Variants in CPED1 observed in about 807,000 individuals in gnomAD.
The protein encoded by CPED1 is cadherin like and PC-esterase domain containing 1, also known as cadherin-like and PC-esterase domain-containing protein 1.
CPED1 carries 114 observed loss-of-function variants against 128.2 expected under a neutral mutation model. The observed-to-expected ratio is 0.89, with a 90% CI of 0.76 to 1.04. CPED1 has a LOEUF of 1.04. CPED1 is among the 50% of genes least tolerant of loss of function. The probability of loss-of-function intolerance (pLI) is 0.00; values close to 1 mark genes in which losing one functional copy is unlikely to be tolerated. For synonymous variants in CPED1, 462 were observed against 426.7 expected, an observed-to-expected ratio of 1.08 and a Z score of -1.02; for missense variants, 1,211 against 1,207.1, an observed-to-expected ratio of 1.00 and a Z score of -0.05.
chr7:121,199,673 C>CAAAAAAAAAAAAAAAAA (rs1160203035), intron 16 of CPED1, among the ~76,000 whole-genome samples: 1 of 86,942 alleles, frequency 1.2e-5, no homozygotes, highest in African/African-American at 4.6e-5. Context: ...GAGACTCCAT[C>CAAAAAAAAAAAAAAAAA]AAAAAAAAAA....
intron 18 of CPED1, among the ~76,000 whole-genome samples, chr7:121,260,307 C>G (rs911613728): frequency 8.0e-6 from 1 of 125,480 alleles, no homozygotes; most frequent in Non-Finnish European, 1.6e-5. Context: ...TTGTTTTTGA[C>G]TGCAAACATC....
intron 5 of CPED1, among the ~76,000 whole-genome samples, chr7:121,082,898 T>C (rs1360748549): frequency 6.6e-6 from 1 of 152,234 alleles, no homozygotes; most frequent in Non-Finnish European, 1.5e-5. Context: ...TATTCTATTA[T>C]TATTTATTAT....
intron 5 of CPED1, among the ~76,000 whole-genome samples, chr7:121,092,772 C>A (rs145338433): frequency 1.9e-3 from 284 of 152,218 alleles, no homozygotes; most frequent in African/African-American, 6.5e-3. Flanking sequence ...GCTGATTGAC[C>A]CTGTGGAGCA....
rs552304201 is a variant in CPED1 at position 121,202,889 on chromosome 7, G to C, written c.2056-33825G>C. Among the ~76,000 whole-genome samples the C allele has an allele frequency of 1.4e-4, 22 of 152,130 alleles. 1 individual carries two copies. The highest frequency in any genetic ancestry group is 2.6e-4 in the Admixed American group (4 of 15,266). On this transcript the variant is annotated intron_variant, in intron 16 of 22. Transcript: ENST00000310396. The stretch of plus-strand genomic sequence containing the variant: ...CAGGTCTTCTGATTCATTTTCCAAA[G>C]AGCCTCTAGAAAGGCTTATAGACCC...
intron 16 of CPED1, among the ~76,000 whole-genome samples, chr7:121,195,398 T>C (rs1189026526): frequency 6.6e-6 from 1 of 152,188 alleles, no homozygotes; most frequent in Non-Finnish European, 1.5e-5. Context: ...AAAGAACTGC[T>C]CATTTTCTAG....
intron 16 of CPED1, among the ~76,000 whole-genome samples, chr7:121,226,768 G>A (rs1798024546): frequency 6.6e-6 from 1 of 152,016 alleles, no homozygotes; most frequent in African/African-American, 2.4e-5. Context: ...TATCTCAAGG[G>A]TGACTTTAGA....
At chr7:121,078,056 T>G (rs1304199454) in intron 5 of CPED1, among the ~76,000 whole-genome samples, 1 of 149,812 alleles carries the variant, frequency 6.7e-6, no homozygotes, top group Admixed American at 6.6e-5. Flanking sequence ...TTTTGTTTTG[T>G]TTTTGTTTTT....
chr7:121,250,669 A>G (rs568003224), intron 18 of CPED1, among the ~76,000 whole-genome samples: 2 of 152,244 alleles, frequency 1.3e-5, no homozygotes, highest in Non-Finnish European at 2.9e-5. Flanking sequence ...ACAAACTACC[A>G]TCAGAGAATA....
At chr7:121,088,034 C>T (rs1023872453) in intron 5 of CPED1, among the ~76,000 whole-genome samples, 1 of 152,066 alleles carries the variant, frequency 6.6e-6, no homozygotes, top group African/African-American at 2.4e-5. Flanking sequence ...TTGAGTGCTA[C>T]AAAATTATTT....
intron 18 of CPED1, among the ~76,000 whole-genome samples, chr7:121,255,495 G>A (rs1019472798): frequency 2.0e-5 from 3 of 151,822 alleles, no homozygotes. Context: ...TTCCCCTTGA[G>A]GACTGGAACA....
chr7:121,084,875 T>A (rs1000331492), intron 5 of CPED1, among the ~76,000 whole-genome samples: 1 of 152,188 alleles, frequency 6.6e-6, no homozygotes, highest in Non-Finnish European at 1.5e-5. Flanking sequence ...AAACAGATGT[T>A]AGACTTTATA....
chr7:121,048,582 C>G (rs764996919), intron 4 of CPED1, among the ~76,000 whole-genome samples: 2 of 152,164 alleles, frequency 1.3e-5, no homozygotes, highest in Non-Finnish European at 2.9e-5. Flanking sequence ...CTCTGACACC[C>G]AGGCTGGGGT....
At chr7:121,023,596 G>A (rs1209050203) in intron 3 of CPED1, among the ~76,000 whole-genome samples, 2 of 152,144 alleles carry the variant, frequency 1.3e-5, no homozygotes, top group African/African-American at 4.8e-5. Context: ...ATTTTCTTTA[G>A]TCTTTGCTTT....
At position 121,190,553 on chromosome 7, in the gene CPED1, G is replaced by T. The variant is rs548721458; in HGVS notation, c.2056-46161G>T. Among the ~76,000 whole-genome samples the T allele has an allele frequency of 4.6e-5, 7 of 152,112 alleles. No homozygotes were observed. In the East Asian group the frequency reaches 1.4e-3, roughly 29 times the overall value. ...AAGATTTTCTCACTTCCAGACCTGT[G>T]TGTTCCAGACATTAAACTGCCCCTA... On this transcript the variant is annotated intron_variant, in intron 16 of 22. Coordinates refer to ENST00000310396, the MANE Select transcript of CPED1 (RefSeq NM_024913.5).
chr7:121,074,415 A>G (rs1425808427), intron 5 of CPED1, among the ~76,000 whole-genome samples: 1 of 151,496 alleles, frequency 6.6e-6, no homozygotes, highest in Non-Finnish European at 1.5e-5. Context: ...TCCTAAACCC[A>G]ACTGCGCTTT....
chr7:120,989,815 T>A lies in CPED1; in HGVS notation c.194T>A (p.Phe65Tyr). ...CAGGCAAGCAGATGCAAGAAAGGAT[T>A]CTCTCAGGACAAACAGTGCTTCCTT... is the stretch of plus-strand genomic sequence containing the variant. ...ETQASRCKKG[F>Y]SQDKQCFLLS... is the part of the protein sequence containing the mutation. Residue 65 changes from phenylalanine to tyrosine, a missense_variant, in exon 2 of 23, where the codon TTC becomes TAC. Coordinates refer to ENST00000310396, the MANE Select transcript of CPED1 (RefSeq NM_024913.5). 1 of 1,614,050 alleles carries A rather than the reference T, an allele frequency of 6.2e-7. No homozygotes were observed. The highest frequency in any genetic ancestry group is 8.5e-7 in the Non-Finnish European group (1 of 1,180,026).
In CPED1 at chr7:121,103,180, T is replaced by C. The variant is rs117346347; in HGVS notation, c.918+3086T>C. Among the ~76,000 whole-genome samples the C allele has an allele frequency of 9.2e-5, 14 of 152,258 alleles. No individual in the cohort carries two copies. The East Asian group carries it at 2.7e-3, about 29-fold the overall frequency. ...CACTATCTCCTTTCTTATTCATATT[T>C]TTGTCTTTTCTGTGAGACAGATGCA... On this transcript the variant is annotated intron_variant, in intron 7 of 22. Coordinates refer to ENST00000310396, the MANE Select transcript of CPED1 (RefSeq NM_024913.5).
chr7:121,097,872 G>A (rs199575209), intron 6 of CPED1, 41 bp downstream of exon 6: 1 of 1,605,754 alleles, frequency 6.2e-7, no homozygotes, highest in African/African-American at 1.3e-5. Context: ...AGCATGCATT[G>A]TAGGAGACAG....
intron 14 of CPED1, among the ~76,000 whole-genome samples, 171 bp downstream of exon 14, chr7:121,136,261 A>G (rs189587554): frequency 5.9e-5 from 9 of 152,086 alleles, no homozygotes; most frequent in Admixed American, 5.2e-4. Flanking sequence ...TCACTTTTGC[A>G]TAAGAACATA....
Sources: gnomAD v4.1 joint callset for allele counts (sites outside exome capture counted in the v4.1 genomes callset) on GRCh38, gnomAD v4.1.1 for gene constraint, MANE v1.5 for transcripts, NCBI Gene and HGNC (gene_info 2026-07-23, HGNC 2026-07-21) for gene names.